MPP4: variants seen among roughly 807,000 people sequenced by gnomAD.
The protein encoded by MPP4 is MAGUK p55 subfamily member 4.
Under a neutral mutation model 98.3 loss-of-function variants are expected in MPP4, and 91 were observed. That is an observed-to-expected ratio of 0.93 (90% CI 0.78 to 1.10). MPP4 has a LOEUF of 1.10. Ranked by LOEUF, MPP4 falls within the 50% of genes least tolerant of loss-of-function variation. MPP4 has a pLI of 0.00. For missense variants in MPP4, 744 were observed against 792.9 expected, an observed-to-expected ratio of 0.94 and a Z score of 0.74; for synonymous variants, 261 against 271.8, an observed-to-expected ratio of 0.96 and a Z score of 0.39.
chr2:201,673,680 T>C (rs928724947), intron 11 of MPP4: 2 of 155,176 alleles, frequency 1.3e-5, no homozygotes, highest in Non-Finnish European at 2.9e-5. Context: ...TATGAAAATA[T>C]TGTCATTGAG....
At chr2:201,684,973 G>GA (rs1688778191) in intron 7 of MPP4, 91 bp downstream of exon 7, 38 of 811,068 alleles carry the variant, frequency 4.7e-5, no homozygotes, top group East Asian at 2.1e-4. Flanking sequence ...AAAAAAAAAA[G>GA]AAAAAAAAGG....
chr2:201,679,126 C>T (rs1294459715), intron 10 of MPP4, among the ~76,000 whole-genome samples: 1 of 152,072 alleles, frequency 6.6e-6, no homozygotes, highest in East Asian at 1.9e-4. Context: ...TCATAAAGAC[C>T]TGCAATCCAT....
chr2:201,677,360 A>G (rs1688534394), intron 10 of MPP4, among the ~76,000 whole-genome samples: 1 of 152,196 alleles, frequency 6.6e-6, no homozygotes, highest in South Asian at 2.1e-4. Context: ...GGCACAAACC[A>G]TCAACATCTA....
chr2:201,688,734 AG>A (rs1462631190), intron 4 of MPP4, among the ~76,000 whole-genome samples: 2 of 151,992 alleles, frequency 1.3e-5, no homozygotes, highest in Non-Finnish European at 2.9e-5. Flanking sequence ...GTGCCTCCCA[AG>A]TAGCTGGGAT....
chr2:201,698,177 T>A, intron 1 of MPP4: 1 of 710,872 alleles, frequency 1.4e-6, no homozygotes, highest in Non-Finnish European at 1.7e-6. Flanking sequence ...TAAAACGTAC[T>A]ATTAAATGCC....
intron 17 of MPP4, 67 bp from the exon 18 acceptor site, chr2:201,654,984 T>C: frequency 9.7e-7 from 1 of 1,034,910 alleles, no homozygotes. Flanking sequence ...GATGGAATTA[T>C]CATTTTAGTC....
intron 5 of MPP4, 85 bp downstream of exon 5, chr2:201,687,206 A>G: frequency 9.0e-7 from 1 of 1,112,744 alleles, no homozygotes; most frequent in Non-Finnish European, 1.3e-6. Flanking sequence ...TTCAGAGAGA[A>G]CATTTTCCAT....
At chr2:201,652,096 A>G in intron 18 of MPP4, 1 of 774,938 alleles carries the variant, frequency 1.3e-6, no homozygotes, top group Non-Finnish European at 1.6e-6. Context: ...ATGCGATCAT[A>G]AAGCAACTTC....
chr2:201,666,601 A>G (rs1688182878), intron 12 of MPP4: 1 of 352,650 alleles, frequency 2.8e-6, no homozygotes, highest in Non-Finnish European at 5.1e-6. Context: ...ACATGCCTAT[A>G]TAATCCCAGC....
intron 4 of MPP4, among the ~76,000 whole-genome samples, chr2:201,687,954 AG>A: frequency 6.6e-6 from 1 of 152,350 alleles, no homozygotes; most frequent in East Asian, 1.9e-4. Context: ...CTGCTTTCAG[AG>A]GACATAAGAC....
intron 14 of MPP4, among the ~76,000 whole-genome samples, chr2:201,661,291 T>A (rs1366716213): frequency 6.6e-6 from 1 of 151,798 alleles, no homozygotes; most frequent in Non-Finnish European, 1.5e-5. Context: ...CTGGGGAAAT[T>A]CAAGGAAGTC....
At chr2:201,697,989 A>G (rs1275412591) in intron 1 of MPP4, 2 of 985,224 alleles carry the variant, frequency 2.0e-6, no homozygotes, top group Non-Finnish European at 2.4e-6. Context: ...TATTTCTGCT[A>G]TCTTGAGAGT....
intron 3 of MPP4, among the ~76,000 whole-genome samples, chr2:201,691,583 T>A (rs990665867): frequency 6.6e-6 from 1 of 152,222 alleles, no homozygotes; most frequent in African/African-American, 2.4e-5. Flanking sequence ...AGTGGCTCAA[T>A]CTTGGCTCAC....
At chr2:201,653,239 A>C (rs1687765719) in intron 18 of MPP4, among the ~76,000 whole-genome samples, 1 of 152,196 alleles carries the variant, frequency 6.6e-6, no homozygotes, top group African/African-American at 2.4e-5. Flanking sequence ...ACTTCCTGTA[A>C]GCTCTTCTCC....
At chr2:201,697,616 A>C (rs1689226734) in intron 1 of MPP4, among the ~76,000 whole-genome samples, 1 of 152,184 alleles carries the variant, frequency 6.6e-6, no homozygotes, top group Non-Finnish European at 1.5e-5. Flanking sequence ...TACCTCCCTC[A>C]AGGCAGTAGC....
intron 16 of MPP4, among the ~76,000 whole-genome samples, 196 bp downstream of exon 16, chr2:201,658,281 G>A (rs1477512271): frequency 1.3e-5 from 2 of 152,116 alleles, no homozygotes; most frequent in African/African-American, 4.8e-5. Context: ...TAACCCAGTG[G>A]AAATTAGATG....
rs143413914 is a variant in MPP4, at chr2:201,680,481, A to T, written c.929+357T>A. On this transcript the variant is annotated intron_variant, in intron 10 of 21. Transcript: ENST00000409474. ...TCCCATTCATGAGGGCAGAGTGCTC[A>T]TGACCTAACCACCTGCTAAAGGCCC... The T allele has an allele frequency of 5.4e-4, 100 of 185,100 alleles. 1 individual carries two copies. Among genetic ancestry groups the T allele is most frequent in the South Asian group, 1.9e-3 (15 of 7,824 alleles). 11.5% of individuals were successfully genotyped at this position (185,100 alleles called of 1,614,324 possible).
At chr2:201,656,403 G>C (rs565393497) in intron 16 of MPP4, 35 bp from the exon 17 acceptor site, 1 of 1,519,460 alleles carries the variant, frequency 6.6e-7, no homozygotes, top group East Asian at 2.5e-5. Flanking sequence ...GTAAGAACCA[G>C]GCAGGAGAGA....
chr2:201,682,926 CAG>C lies in MPP4; in HGVS notation c.575-12_575-11del. The C allele has an allele frequency of 6.2e-7, 1 of 1,609,800 alleles. No individual in the cohort carries two copies. The highest frequency in any genetic ancestry group is 1.1e-5 in the South Asian group (1 of 90,598). On this transcript the variant is annotated splice_polypyrimidine_tract_variant and intron_variant, in intron 7 of 21. Transcript: ENST00000409474. ...CCAGCATATAGCAACCCTAGGCAGACAGTAACAAAAAACAAAGAAAGATACAA... is the reference window on the plus strand; with the variant it reads ...CCAGCATATAGCAACCCTAGGCAGACTAACAAAAAACAAAGAAAGATACAA...
Sources: allele counts gnomAD v4.1 joint callset (sites outside exome capture counted in the v4.1 genomes callset), GRCh38; gene constraint gnomAD v4.1.1; transcripts MANE v1.5; gene names NCBI Gene and HGNC (gene_info 2026-07-23, HGNC 2026-07-21).